FRK: variants seen among roughly 807,000 people sequenced by gnomAD.
FRK encodes fyn related Src family tyrosine kinase.
FRK carries 51 observed loss-of-function variants against 56.4 expected under a neutral mutation model. That is an observed-to-expected ratio of 0.90 (90% CI 0.72 to 1.14). The LOEUF is 1.14. Ranked by LOEUF, FRK falls within the 50% of genes most tolerant of loss-of-function variation. The pLI, the probability that FRK is intolerant of heterozygous loss-of-function variation, is 0.00. For missense variants in FRK, 570 were observed against 601.4 expected, an observed-to-expected ratio of 0.95 and a Z score of 0.55; for synonymous variants, 245 against 217.9, an observed-to-expected ratio of 1.12 and a Z score of -1.10.
At chr6:116,080,702 AACAG>A in the FRK span, among the ~76,000 whole-genome samples, 1 of 152,220 alleles carries the variant, frequency 6.6e-6, no homozygotes, top group African/African-American at 2.4e-5. Context: ...AAGAGATATG[AACAG>A]ACAATTCATA....
intron 2 of FRK, among the ~76,000 whole-genome samples, chr6:115,984,133 C>G (rs930049602): frequency 1.3e-5 from 2 of 152,112 alleles, no homozygotes; most frequent in Admixed American, 1.3e-4. Flanking sequence ...TAGCTCACTT[C>G]GTCCTTAGCA....
At chr6:116,014,136 A>G (rs1775566333) in intron 1 of FRK, among the ~76,000 whole-genome samples, 1 of 152,200 alleles carries the variant, frequency 6.6e-6, no homozygotes, top group South Asian at 2.1e-4. Flanking sequence ...TCTTGAAGGT[A>G]TCTTAACTTC....
At chr6:116,017,976 C>T (rs1272127995) in intron 1 of FRK, among the ~76,000 whole-genome samples, 1 of 152,146 alleles carries the variant, frequency 6.6e-6, no homozygotes, top group Non-Finnish European at 1.5e-5. Flanking sequence ...AAGAGCAAAG[C>T]TTTAAGTACA....
chr6:115,979,535 T>C (rs183200823), intron 2 of FRK, among the ~76,000 whole-genome samples: 1 of 152,084 alleles, frequency 6.6e-6, no homozygotes, highest in South Asian at 2.1e-4. Flanking sequence ...AAAAGAAAAA[T>C]ATTTTTTATA....
chr6:116,037,538 T>C (rs1776532426), intron 1 of FRK, among the ~76,000 whole-genome samples: 1 of 152,194 alleles, frequency 6.6e-6, no homozygotes, highest in South Asian at 2.1e-4. Flanking sequence ...CTTTCTGGCA[T>C]GCCCATATTT....
the FRK span, among the ~76,000 whole-genome samples, chr6:116,067,790 G>T: frequency 2.6e-3 from 394 of 152,190 alleles, 12 homozygotes; most frequent in South Asian, 0.044. Flanking sequence ...TATACCAAAG[G>T]CTGAATGATA....
chr6:116,071,833 T>G, the FRK span, among the ~76,000 whole-genome samples: 1 of 152,102 alleles, frequency 6.6e-6, no homozygotes, highest in Non-Finnish European at 1.5e-5. Flanking sequence ...TCTCTCACAT[T>G]GCAAACAAAA....
At chr6:115,949,954 G>T (rs1466310673) in intron 5 of FRK, among the ~76,000 whole-genome samples, 1 of 152,170 alleles carries the variant, frequency 6.6e-6, no homozygotes, top group Non-Finnish European at 1.5e-5. Context: ...TTAAATAAAT[G>T]TTGTTGGGAA....
chr6:116,006,760 C>T (rs938310410), intron 1 of FRK, among the ~76,000 whole-genome samples: 1 of 152,158 alleles, frequency 6.6e-6, no homozygotes, highest in African/African-American at 2.4e-5. Flanking sequence ...GAGTTCAAGG[C>T]TGTAGTGCAC....
intron 4 of FRK, among the ~76,000 whole-genome samples, chr6:115,957,935 A>C (rs2114562747): frequency 6.6e-6 from 1 of 152,306 alleles, no homozygotes; most frequent in South Asian, 2.1e-4. Flanking sequence ...ATGACTGTTG[A>C]TCATTATTTA....
intron 5 of FRK, 36 bp downstream of exon 5, chr6:115,956,416 T>C (rs770356911): frequency 1.4e-6 from 2 of 1,453,234 alleles, no homozygotes; most frequent in Non-Finnish European, 1.8e-6. Context: ...TAAATTAAAT[T>C]CCTCTTTTTT....
At chr6:116,058,545 A>G (rs117724512) in intron 1 of FRK, among the ~76,000 whole-genome samples, 1,666 of 152,276 alleles carry the variant, frequency 0.011, 16 homozygotes, top group Middle Eastern at 0.024. Context: ...CTCACATAAA[A>G]ATAAGAAACA....
rs905994045 is a variant in FRK at position 115,933,097 on chromosome 6, AT to A, written c.*9316del. 3 of 152,012 alleles carry A rather than the reference AT, an allele frequency of 2.0e-5. No homozygotes were observed. Among genetic ancestry groups the A allele is most frequent in the African/African-American group, 7.2e-5 (3 of 41,444 alleles). The allele number at this position is 152,012 out of a possible 1,614,324, so 9.4% of individuals were successfully genotyped here. A position where few individuals can be genotyped will look rare whatever the true frequency, so the allele number is the denominator to read the frequency against. ...TTAGGTAACTTAAATCTATTCCCTT[AT>A]TTCCTTCCTTACCCTCTTTTTAAAA... is the stretch of plus-strand genomic sequence containing the variant. On this transcript the variant is annotated 3_prime_UTR_variant, in exon 8 of 8. Coordinates refer to ENST00000606080, the MANE Select transcript of FRK (RefSeq NM_002031.3).
chr6:116,061,730 T>C (rs1472490741), upstream of FRK, among the ~76,000 whole-genome samples: 1 of 152,212 alleles, frequency 6.6e-6, no homozygotes, highest in Non-Finnish European at 1.5e-5. Flanking sequence ...TCATTTATAC[T>C]AGTAGACAGC....
chr6:116,084,691 G>A, the FRK span, among the ~76,000 whole-genome samples: 2 of 152,162 alleles, frequency 1.3e-5, no homozygotes, highest in Non-Finnish European at 2.9e-5. Context: ...AAGATGGAGA[G>A]AAACAGATTC....
chr6:115,942,901 C>A (rs760946377), intron 7 of FRK, 119 bp downstream of exon 7: 3 of 979,012 alleles, frequency 3.1e-6, no homozygotes, highest in African/African-American at 3.3e-5. Context: ...ATCAAGCTCC[C>A]GCAGGTATGG....
chr6:116,038,237 T>C (rs1776561141), intron 1 of FRK, among the ~76,000 whole-genome samples: 1 of 152,168 alleles, frequency 6.6e-6, no homozygotes, highest in South Asian at 2.1e-4. Context: ...AGAAAGGCAA[T>C]TTAAAAATGT....
chr6:116,013,598 A>C (rs1401162433), intron 1 of FRK, among the ~76,000 whole-genome samples: 1 of 152,168 alleles, frequency 6.6e-6, no homozygotes, highest in Non-Finnish European at 1.5e-5. Context: ...ACTTGATCTT[A>C]TGATGCCTAG....
Position 115,932,833 on chromosome 6 carries a change from T to C in FRK, c.*9581A>G, listed in dbSNP as rs538134026. The C allele has an allele frequency of 6.6e-6, 1 of 152,304 alleles. No homozygotes were observed. The highest frequency in any genetic ancestry group is 1.9e-4 in the East Asian group (1 of 5,176). The allele number at this position is 152,304 out of a possible 1,614,324, so 9.4% of individuals were successfully genotyped here. A position where few individuals can be genotyped will look rare whatever the true frequency, so the allele number is the denominator to read the frequency against. The stretch of plus-strand genomic sequence containing the variant: ...TAGGCCTCCACAGAGTCGGAAGAGT[T>C]TGGGCCCCTCCTGGTTCATTAGATC... On this transcript the variant is annotated 3_prime_UTR_variant, in exon 8 of 8. Coordinates refer to ENST00000606080, the MANE Select transcript of FRK (RefSeq NM_002031.3).
Sources: gnomAD v4.1 joint callset for allele counts (sites outside exome capture counted in the v4.1 genomes callset) on GRCh38, gnomAD v4.1.1 for gene constraint, MANE v1.5 for transcripts, NCBI Gene and HGNC (gene_info 2026-07-23, HGNC 2026-07-21) for gene names.